The following COQ8B variants were observed in gnomAD, a reference collection of about 807,000 sequenced individuals.
COQ8B encodes the protein atypical kinase COQ8B, mitochondrial.
In COQ8B, 44 loss-of-function variants were observed where a neutral mutation model predicts 62.0. The ratio of observed to expected loss-of-function variants is 0.71; its 90% CI spans 0.56 to 0.91. COQ8B has a LOEUF of 0.91. Ranked by LOEUF, COQ8B falls within the 40% of genes least tolerant of loss-of-function variation. The probability of loss-of-function intolerance (pLI) is 0.00; values close to 1 mark genes in which losing one functional copy is unlikely to be tolerated. For missense variants in COQ8B, 649 were observed against 731.6 expected (o/e 0.89, Z 1.30); for synonymous variants, 252 against 289.9 (o/e 0.87, Z 1.33).
intron 1 of COQ8B, 62 bp from the exon 2 acceptor site, chr19:40,714,697 A>G (rs1188695834): frequency 1.3e-5 from 19 of 1,450,968 alleles, no homozygotes; most frequent in Middle Eastern, 3.6e-4. Flanking sequence ...CCAGGCCCCC[A>G]TGTTCCTCTG....
intron 4 of COQ8B, among the ~76,000 whole-genome samples, chr19:40,711,976 G>A (rs1309428314): frequency 6.6e-6 from 1 of 151,944 alleles, no homozygotes; most frequent in East Asian, 1.9e-4. Flanking sequence ...TCTAACCAGT[G>A]CCTTTGACTG....
intron 12 of COQ8B, among the ~76,000 whole-genome samples, chr19:40,698,533 T>A (rs2082037057): frequency 6.6e-6 from 1 of 151,010 alleles, no homozygotes; most frequent in African/African-American, 2.4e-5. Context: ...AGCAAAACTC[T>A]GTCTCAAAAA....
chr19:40,694,576 A>G (rs1439201815), intron 13 of COQ8B, among the ~76,000 whole-genome samples: 1 of 152,080 alleles, frequency 6.6e-6, no homozygotes, highest in African/African-American at 2.4e-5. Flanking sequence ...CTGGCCTCAC[A>G]TGGGTGCGTG....
chr19:40,704,046 C>G, intron 7 of COQ8B, 191 bp from the exon 8 acceptor site: 1 of 671,978 alleles, frequency 1.5e-6, no homozygotes, highest in South Asian at 2.0e-5. Context: ...TAGCCAGGCA[C>G]TGGCAGACTG....
intron 12 of COQ8B, among the ~76,000 whole-genome samples, chr19:40,697,255 G>T (rs984261449): frequency 5.3e-5 from 8 of 151,910 alleles, no homozygotes; most frequent in Non-Finnish European, 1.2e-4. Flanking sequence ...GGGACCACAG[G>T]TGCACCCCAC....
chr19:40,707,597 GCAC>G (rs1297157415), intron 5 of COQ8B, among the ~76,000 whole-genome samples: 3 of 152,030 alleles, frequency 2.0e-5, no homozygotes, highest in African/African-American at 7.2e-5. Flanking sequence ...GGGGTTACAG[GCAC>G]CCACCACCAC....
At chr19:40,699,564 T>C (rs1452203006) in intron 12 of COQ8B, among the ~76,000 whole-genome samples, 2 of 152,170 alleles carry the variant, frequency 1.3e-5, no homozygotes, top group African/African-American at 4.8e-5. Context: ...GGGCAGGTGA[T>C]GGTGTGTTCT....
intron 1 of COQ8B, chr19:40,715,077 G>A (rs534689599): frequency 6.1e-6 from 6 of 984,284 alleles, no homozygotes; most frequent in African/African-American, 1.8e-5. Flanking sequence ...CTCCGAGTCC[G>A]CAACCTGCTG....
rs960923168 is a variant in COQ8B, at chr19:40,703,580, G to C, written c.760C>G (p.Leu254Val). 3 of 1,610,570 alleles carry C rather than the reference G, an allele frequency of 1.9e-6. No homozygotes were observed. In the South Asian group the frequency reaches 3.3e-5, roughly 18 times the overall value. ...GCGCTCATCTTGAGTACCGCCAGCA[G>C]GTTCTGGACATCGCTCTGAATGCTC... ...AQSIQSDVQN[L>V]LAVLKMSAAL... The change falls in exon 9 of 15, where the codon CTG (leucine) becomes GTG (valine). Residue 254 changes from leucine to valine, a missense_variant. Leu to Val is a conservative substitution (Grantham distance 32). Transcript: ENST00000324464.
At chr19:40,711,196 CTT>C (rs1436532915) in intron 4 of COQ8B, among the ~76,000 whole-genome samples, 1 of 151,172 alleles carries the variant, frequency 6.6e-6, no homozygotes, top group Non-Finnish European at 1.5e-5. Flanking sequence ...TCTGGTGACT[CTT>C]CTTTCTCTGT....
chr19:40,702,501 C>G (rs995810682), intron 10 of COQ8B, 99 bp downstream of exon 10: 261 of 1,105,182 alleles, frequency 2.4e-4, no homozygotes, highest in Non-Finnish European at 3.4e-4. Context: ...GAGAGTTTGC[C>G]CTACCCCACA....
chr19:40,702,419 C>CA (rs2082067208), intron 10 of COQ8B, among the ~76,000 whole-genome samples, 181 bp downstream of exon 10: 1 of 152,044 alleles, frequency 6.6e-6, no homozygotes, highest in African/African-American at 2.4e-5. Flanking sequence ...TGCCCAAGCT[C>CA]ACAGAGGACA....
At chr19:40,698,000 G>C (rs563177171) in intron 12 of COQ8B, among the ~76,000 whole-genome samples, 24 of 150,830 alleles carry the variant, frequency 1.6e-4, no homozygotes, top group African/African-American at 5.1e-4. Flanking sequence ...CGGATCACCT[G>C]AGGTCAGGAG....
At chr19:40,697,953 T>A (rs187841139) in intron 12 of COQ8B, among the ~76,000 whole-genome samples, 244 of 148,406 alleles carry the variant, frequency 1.6e-3, no homozygotes, top group African/African-American at 5.8e-3. Context: ...CAATGGCTCA[T>A]GGCTGTAATC....
Position 40,714,536 on chromosome 19 carries a change from G to C in COQ8B, c.97C>G (p.Arg33Gly). ...PCGALGPGPH[R>G]WGPCGGSWAQ... Reference sequence around the variant, plus strand: ...CCTGCTCCCTAGCCTCTTACCCAGCGGTGGGGCCCAGGCCCCAGGGCCCCA... The same window carrying C: ...CCTGCTCCCTAGCCTCTTACCCAGCCGTGGGGCCCAGGCCCCAGGGCCCCA... Residue 33 changes from arginine to glycine, a missense_variant, in exon 2 of 15, where the codon CGC (arginine) becomes GGC (glycine). Transcript: ENST00000324464. 6.2e-7 allele frequency: 1 copy of C among 1,613,618 alleles called. No individual in the cohort carries two copies.
chr19:40,713,942 C>T, intron 4 of COQ8B, 125 bp downstream of exon 4: 1 of 1,063,042 alleles, frequency 9.4e-7, no homozygotes, highest in South Asian at 1.5e-5. Flanking sequence ...AGGCCCTTGC[C>T]TTTGTCTCTC....
At chr19:40,716,120 T>C (rs2082183569) in intron 1 of COQ8B, among the ~76,000 whole-genome samples, 1 of 152,120 alleles carries the variant, frequency 6.6e-6, no homozygotes, top group African/African-American at 2.4e-5. Flanking sequence ...CTTCCCAACC[T>C]GTATGAGGTA....
intron 12 of COQ8B, 53 bp downstream of exon 12, chr19:40,700,014 G>A: frequency 6.6e-7 from 1 of 1,520,034 alleles, no homozygotes; most frequent in Non-Finnish European, 9.1e-7. Context: ...AAATATCAAG[G>A]AATATTTGTT....
rs147603227 is a variant in COQ8B at position 40,705,152 on chromosome 19, G to A, written c.520C>T (p.His174Tyr). 693 of 1,613,264 alleles carry A rather than the reference G, an allele frequency of 4.3e-4. 3 individuals are homozygous for A. The highest frequency in any genetic ancestry group is 8.1e-4 in the South Asian group (74 of 90,892). The change falls in exon 7 of 15, where the codon CAC becomes TAC. Residue 174 changes from histidine to tyrosine, a missense_variant. His to Tyr is a moderately conservative substitution (Grantham distance 83). Transcript: ENST00000324464. The stretch of plus-strand genomic sequence containing the variant: ...CTCTGGCGGACCCGCTCAAAGATGT[G>A]CTGCAGCTGAGGGCTGATGAAGCTG... ...DNSFISPQLQ[H>Y]IFERVRQSAD...
Sources: allele counts gnomAD v4.1 joint callset (sites outside exome capture counted in the v4.1 genomes callset), GRCh38; gene constraint gnomAD v4.1.1; transcripts MANE v1.5; gene names NCBI Gene and HGNC (gene_info 2026-07-23, HGNC 2026-07-21).